PARP8: variants seen among roughly 807,000 people sequenced by gnomAD.
The protein encoded by PARP8 is poly(ADP-ribose) polymerase family member 8, also known as protein mono-ADP-ribosyltransferase PARP8.
A neutral mutation model predicts 124.1 loss-of-function variants in PARP8; 51 were observed. The observed-to-expected ratio is 0.41, with a 90% CI of 0.33 to 0.52. The LOEUF (loss-of-function observed/expected upper bound fraction) is 0.52. Among genes scored for constraint, PARP8 ranks in the 20% least tolerant of loss-of-function variants. The probability of loss-of-function intolerance (pLI) is 0.21; values close to 1 mark genes in which losing one functional copy is unlikely to be tolerated. For missense variants in PARP8, 860 were observed against 1,018.9 expected, an observed-to-expected ratio of 0.84 and a Z score of 2.12; for synonymous variants, 391 against 361.5, an observed-to-expected ratio of 1.08 and a Z score of -0.93.
chr5:50,811,524 T>C lies in PARP8; in HGVS notation c.1576-3908T>C, dbSNP rs1014253717. Among the ~76,000 whole-genome samples, 8 of 152,188 alleles carry C rather than the reference T, an allele frequency of 5.3e-5. No homozygotes were observed. In the South Asian group the frequency reaches 8.3e-4, roughly 16 times the overall value. On this transcript the variant is annotated intron_variant, in intron 14 of 25. Coordinates refer to ENST00000281631, the MANE Select transcript of PARP8 (RefSeq NM_024615.4). ...TTTTCCTTTTCTTTGAAATTTTTCC[T>C]GGATTGAAAATTACCTGAAATTTCA...
chr5:50,811,031 A>G (rs1036871128), intron 14 of PARP8, among the ~76,000 whole-genome samples: 4 of 152,058 alleles, frequency 2.6e-5, no homozygotes, highest in African/African-American at 9.7e-5. Context: ...CAGATTTTCT[A>G]GGGTGCCTGA....
chr5:50,815,156 T>C (rs973518212), intron 14 of PARP8, among the ~76,000 whole-genome samples: 1 of 152,158 alleles, frequency 6.6e-6, no homozygotes, highest in African/African-American at 2.4e-5. Context: ...AATTTTCCTA[T>C]TTAAGGATAT....
At chr5:50,715,581 A>G (rs565552208) in intron 2 of PARP8, among the ~76,000 whole-genome samples, 1 of 152,116 alleles carries the variant, frequency 6.6e-6, no homozygotes, top group Non-Finnish European at 1.5e-5. Context: ...AACAGATAAC[A>G]TGATTAATCA....
At chr5:50,684,933 A>G (rs1412108667) in intron 2 of PARP8, among the ~76,000 whole-genome samples, 1 of 152,156 alleles carries the variant, frequency 6.6e-6, no homozygotes, top group African/African-American at 2.4e-5. Flanking sequence ...GAGACAGTCA[A>G]GTGATTTAAG....
intron 14 of PARP8, among the ~76,000 whole-genome samples, chr5:50,803,286 G>A (rs1164881118): frequency 2.0e-5 from 3 of 152,118 alleles, no homozygotes; most frequent in Admixed American, 6.5e-5. Context: ...TTTGGCGTCT[G>A]GATTTTGATG....
intron 2 of PARP8, among the ~76,000 whole-genome samples, chr5:50,695,319 C>T (rs1338329190): frequency 1.3e-5 from 2 of 151,800 alleles, no homozygotes; most frequent in Non-Finnish European, 2.9e-5. Flanking sequence ...GTCACCATGA[C>T]CTGATGTAGC....
chr5:50,667,880 T>A, intron 1 of PARP8, 191 bp from the exon 2 acceptor site: 7 of 1,490,144 alleles, frequency 4.7e-6, no homozygotes, highest in Non-Finnish European at 6.3e-6. Context: ...GGGGGCGGCC[T>A]CCCGCTGCAC....
At chr5:50,761,936 G>T (rs773215263) in intron 6 of PARP8, 38 bp downstream of exon 6, 1 of 1,327,156 alleles carries the variant, frequency 7.5e-7, no homozygotes, top group Admixed American at 1.8e-5. Context: ...TAGTCTTAAA[G>T]TTCTAATAGC....
In PARP8 at chr5:50,843,963, T is replaced by A. The variant is rs1360959212; in HGVS notation, c.*1895T>A. 6.6e-6 allele frequency: 1 copy of A among 151,828 alleles called. No individual in the cohort carries two copies. Among genetic ancestry groups the A allele is most frequent in the Non-Finnish European group, 1.5e-5 (1 of 67,842 alleles). 9.4% of individuals were successfully genotyped at this position (151,828 alleles called of 1,614,324 possible). Reference sequence around the variant, plus strand: ...TGACCACTAGGACCACTGAGGCACCTCCAATAAGCTCTGTAGAGTGCCTCC... The same window carrying A: ...TGACCACTAGGACCACTGAGGCACCACCAATAAGCTCTGTAGAGTGCCTCC... On this transcript the variant is annotated 3_prime_UTR_variant, in exon 26 of 26. Transcript: ENST00000281631.
At chr5:50,741,803 T>C (rs919395831) in intron 2 of PARP8, 2 of 436,146 alleles carry the variant, frequency 4.6e-6, no homozygotes, top group Admixed American at 2.6e-5. Flanking sequence ...TGTGTTTTCT[T>C]TTCTTTTCTT....
intron 25 of PARP8, among the ~76,000 whole-genome samples, chr5:50,837,372 GAT>G (rs1321418301): frequency 2.6e-5 from 4 of 152,110 alleles, no homozygotes; most frequent in Non-Finnish European, 5.9e-5. Context: ...CTCTATAAAA[GAT>G]ATGATCACAG....
chr5:50,788,020 A>G (rs1308322072), intron 9 of PARP8, among the ~76,000 whole-genome samples: 4 of 149,626 alleles, frequency 2.7e-5, no homozygotes, highest in Non-Finnish European at 5.9e-5. Context: ...GTGCCTTCTC[A>G]TCTCCCATTG....
chr5:50,795,173 G>A lies in PARP8; in HGVS notation c.1184G>A (p.Cys395Tyr). 1 of 1,614,224 alleles carries A rather than the reference G, an allele frequency of 6.2e-7. No individual in the cohort carries two copies. The highest frequency in any genetic ancestry group is 8.5e-7 in the Non-Finnish European group (1 of 1,180,044). ...CGATCTTGTTCTGGAGATCCACGAT[G>A]TGAGCACAACACAAACTTGAAGCCC... The part of the protein sequence containing the change: ...LTRSCSGDPR[C>Y]EHNTNLKPHK... Residue 395 changes from cysteine to tyrosine, a missense_variant, in exon 12 of 26, where the codon TGT becomes TAT. This residue lies in a region of PARP8 where 517 missense variants were observed against 544.2 expected (regional missense o/e 0.95). Coordinates refer to ENST00000281631, the MANE Select transcript of PARP8 (RefSeq NM_024615.4).
At chr5:50,691,220 C>G (rs1752465987) in intron 2 of PARP8, among the ~76,000 whole-genome samples, 1 of 152,142 alleles carries the variant, frequency 6.6e-6, no homozygotes, top group Non-Finnish European at 1.5e-5. Context: ...CCCATTTGCC[C>G]TTTGCTTCTT....
rs1376979931 is a variant in PARP8 at position 50,846,033 on chromosome 5, A to G, written c.*3965A>G. Reference sequence around the variant, plus strand: ...TAGACAAAACATATCCATGAGTGTGAAAAAAGCTGTGTTGACGAATAGATT... The same window carrying G: ...TAGACAAAACATATCCATGAGTGTGGAAAAAGCTGTGTTGACGAATAGATT... On this transcript the variant is annotated 3_prime_UTR_variant, in exon 26 of 26. Transcript: ENST00000281631. The G allele has an allele frequency of 6.6e-6, 1 of 151,850 alleles. No homozygotes were observed. Among genetic ancestry groups the G allele is most frequent in the Non-Finnish European group, 1.5e-5 (1 of 67,832 alleles). 9.4% of individuals were successfully genotyped at this position (151,850 alleles called of 1,614,324 possible).
At chr5:50,834,654 TAGTTCTTA>T (rs1747361852) in intron 24 of PARP8, among the ~76,000 whole-genome samples, 1 of 152,184 alleles carries the variant, frequency 6.6e-6, no homozygotes, top group African/African-American at 2.4e-5. Flanking sequence ...GCTGTCTACA[TAGTTCTTA>T]AGTCAGGACC....
chr5:50,824,274 T>C (rs1362665410), intron 17 of PARP8, among the ~76,000 whole-genome samples: 1 of 152,180 alleles, frequency 6.6e-6, no homozygotes, highest in Admixed American at 6.6e-5. Context: ...AAATGGTCAT[T>C]GTGAAAGAGA....
intron 7 of PARP8, among the ~76,000 whole-genome samples, chr5:50,772,160 G>A (rs1439259513): frequency 1.3e-5 from 2 of 152,192 alleles, no homozygotes; most frequent in African/African-American, 4.8e-5. Context: ...GTTTATCCAT[G>A]TTGCTGCAAA....
At chr5:50,754,876 C>T (rs1759742242) in intron 3 of PARP8, among the ~76,000 whole-genome samples, 1 of 152,120 alleles carries the variant, frequency 6.6e-6, no homozygotes, top group Non-Finnish European at 1.5e-5. Flanking sequence ...GATCGCCATT[C>T]TAAGTGGTGT....
Sources: gnomAD v4.1 joint callset for allele counts (sites outside exome capture counted in the v4.1 genomes callset) on GRCh38, gnomAD v4.1.1 for gene constraint, gnomAD v4.1.1 regional missense constraint, MANE v1.5 for transcripts, NCBI Gene and HGNC (gene_info 2026-07-23, HGNC 2026-07-21) for gene names.